Variants in CORIN observed in about 807,000 individuals in gnomAD.
CORIN encodes the protein atrial natriuretic peptide-converting enzyme.
In CORIN, 117 loss-of-function variants were observed where a neutral mutation model predicts 125.3. That is an observed-to-expected ratio of 0.93 (90% CI 0.80 to 1.09). The LOEUF (loss-of-function observed/expected upper bound fraction) is 1.09. CORIN is among the 50% of genes least tolerant of loss of function. CORIN has a pLI of 0.00. For missense variants in CORIN, 1,253 were observed against 1,306.7 expected, an observed-to-expected ratio of 0.96 and a Z score of 0.63; for synonymous variants, 450 against 466.4, an observed-to-expected ratio of 0.96 and a Z score of 0.45.
chr4:47,813,011 C>T (rs1037220268), intron 1 of CORIN, among the ~76,000 whole-genome samples: 2 of 152,248 alleles, frequency 1.3e-5, no homozygotes, highest in African/African-American at 2.4e-5. Context: ...TGTTGACTAC[C>T]GCACAACTCC....
intron 5 of CORIN, among the ~76,000 whole-genome samples, chr4:47,742,204 T>C (rs1026658995): frequency 2.0e-5 from 3 of 151,904 alleles, no homozygotes; most frequent in Non-Finnish European, 2.9e-5. Context: ...AAACTACAAA[T>C]AGAAAGAGCT....
chr4:47,594,337 G>A lies in CORIN; in HGVS notation c.*1384C>T, dbSNP rs1721171127. On this transcript the variant is annotated 3_prime_UTR_variant, in exon 22 of 22. Transcript: ENST00000273857. ...AGGTAGTATCTATTTGGAATGCTGAGGCAGTCCAGGTTGCTGGTGGAGGTT... is the reference window on the plus strand; with the variant it reads ...AGGTAGTATCTATTTGGAATGCTGAAGCAGTCCAGGTTGCTGGTGGAGGTT... 1.3e-5 allele frequency: 2 copies of A among 152,544 alleles called. No homozygotes were observed. Among genetic ancestry groups the A allele is most frequent in the African/African-American group, 4.8e-5 (2 of 41,426 alleles). 9.4% of individuals were successfully genotyped at this position (152,544 alleles called of 1,614,324 possible).
intron 12 of CORIN, among the ~76,000 whole-genome samples, chr4:47,655,150 C>T (rs976842678): frequency 2.6e-5 from 4 of 151,996 alleles, no homozygotes; most frequent in Non-Finnish European, 5.9e-5. Flanking sequence ...AGCCCTTGGG[C>T]CCTGAATAAT....
At chr4:47,816,811 T>A (rs2109968020) in intron 1 of CORIN, among the ~76,000 whole-genome samples, 1 of 152,020 alleles carries the variant, frequency 6.6e-6, no homozygotes, top group Middle Eastern at 3.4e-3. Context: ...CACCACCTAA[T>A]AAATGCCAGC....
At chr4:47,704,789 G>A (rs982789632) in intron 5 of CORIN, among the ~76,000 whole-genome samples, 7 of 152,116 alleles carry the variant, frequency 4.6e-5, no homozygotes, top group Admixed American at 1.3e-4. Flanking sequence ...GGTGGAGGGT[G>A]TGGGAGGAGG....
rs2292104 is a variant in CORIN, at chr4:47,623,853, G to A, written c.2365+46C>T. 3.2e-5 allele frequency: 51 copies of A among 1,604,322 alleles called. No homozygotes were observed. In the East Asian group the frequency reaches 1.1e-3, roughly 36 times the overall value. ...ATCACTCTTCCCCTGAGCCAATCCA[G>A]TTCAATTAAGTTCATATCCCATTGC... On this transcript the variant is annotated intron_variant, in intron 18 of 21. Coordinates refer to ENST00000273857, the MANE Select transcript of CORIN (RefSeq NM_006587.4).
At chr4:47,752,648 T>A (rs1376996556) in intron 4 of CORIN, among the ~76,000 whole-genome samples, 1 of 152,226 alleles carries the variant, frequency 6.6e-6, no homozygotes, top group Admixed American at 6.5e-5. Flanking sequence ...TTGTTTGCTA[T>A]GCCAATAGCA....
At chr4:47,616,480 C>T (rs1354227401) in intron 19 of CORIN, among the ~76,000 whole-genome samples, 1 of 152,022 alleles carries the variant, frequency 6.6e-6, no homozygotes, top group African/African-American at 2.4e-5. Context: ...AAGAGTTAGT[C>T]TCTGACATAT....
intron 5 of CORIN, among the ~76,000 whole-genome samples, chr4:47,723,588 A>G (rs1031456249): frequency 6.6e-6 from 1 of 152,202 alleles, no homozygotes; most frequent in African/African-American, 2.4e-5. Context: ...ACTGACTATG[A>G]AAAGAAACAA....
intron 1 of CORIN, among the ~76,000 whole-genome samples, chr4:47,827,700 TG>T (rs1372011809): frequency 3.9e-5 from 6 of 152,236 alleles, no homozygotes; most frequent in African/African-American, 7.2e-5. Context: ...ATTTTTATTA[TG>T]TTTTTTTAAA....
At chr4:47,658,335 C>T (rs1724085692) in intron 12 of CORIN, among the ~76,000 whole-genome samples, 1 of 152,242 alleles carries the variant, frequency 6.6e-6, no homozygotes. Flanking sequence ...CAGCTCTGCC[C>T]CTGTGGCTTT....
chr4:47,627,173 A>C (rs1722612257), intron 16 of CORIN, among the ~76,000 whole-genome samples: 1 of 151,996 alleles, frequency 6.6e-6, no homozygotes, highest in East Asian at 1.9e-4. Flanking sequence ...AGTAGAGATG[A>C]GGTTTCACCA....
At chr4:47,661,481 G>C in intron 12 of CORIN, 1 of 467,298 alleles carries the variant, frequency 2.1e-6, no homozygotes, top group East Asian at 3.4e-5. Flanking sequence ...AAAAATAAAA[G>C]AATAGAAATA....
chr4:47,750,600 G>T (rs557802914), intron 4 of CORIN, among the ~76,000 whole-genome samples: 4 of 152,164 alleles, frequency 2.6e-5, no homozygotes, highest in Non-Finnish European at 5.9e-5. Context: ...AGGGGAAAAA[G>T]AATTTTCTGG....
At chr4:47,639,519 T>G (rs930071975) in intron 16 of CORIN, among the ~76,000 whole-genome samples, 43 of 152,326 alleles carry the variant, frequency 2.8e-4, no homozygotes, top group Admixed American at 2.8e-3. Context: ...AGTTGGGAGT[T>G]GCTTTTTAAA....
chr4:47,722,076 A>G (rs1214022723), intron 5 of CORIN, among the ~76,000 whole-genome samples: 1 of 152,188 alleles, frequency 6.6e-6, no homozygotes, highest in Admixed American at 6.5e-5. Flanking sequence ...CATCACACAT[A>G]CTGATGCAAT....
At position 47,600,369 on chromosome 4, in the gene CORIN, A is replaced by C. The variant is rs2109503062; in HGVS notation, c.2813-22T>G. ...GGCACTGAATTTTTAAAAAATAAGA[A>C]TATATATATGATGATAAAATGACTC... On this transcript the variant is annotated intron_variant, in intron 20 of 21. Coordinates refer to ENST00000273857, the MANE Select transcript of CORIN (RefSeq NM_006587.4). 2.5e-6 allele frequency: 4 copies of C among 1,579,920 alleles called. No homozygotes were observed. In the East Asian group the frequency reaches 9.3e-5, roughly 37 times the overall value.
chr4:47,725,076 C>A (rs539727759), intron 5 of CORIN, among the ~76,000 whole-genome samples: 1 of 152,106 alleles, frequency 6.6e-6, no homozygotes, highest in East Asian at 1.9e-4. Context: ...TAACAAAATA[C>A]GTGCAAGACC....
intron 5 of CORIN, among the ~76,000 whole-genome samples, chr4:47,733,871 T>C (rs1272376634): frequency 1.3e-5 from 2 of 152,178 alleles, no homozygotes; most frequent in African/African-American, 4.8e-5. Context: ...CCTTAGGAGT[T>C]ATGACTGACT....
Sources: allele counts gnomAD v4.1 joint callset (sites outside exome capture counted in the v4.1 genomes callset), GRCh38; gene constraint gnomAD v4.1.1; transcripts MANE v1.5; gene names NCBI Gene and HGNC (gene_info 2026-07-23, HGNC 2026-07-21).